The following COL4A3 variants were observed in gnomAD, a reference collection of about 807,000 sequenced individuals.
COL4A3 encodes the protein collagen type IV alpha 3 chain.
COL4A3 carries 135 observed loss-of-function variants against 217.4 expected under a neutral mutation model. The ratio of observed to expected loss-of-function variants is 0.62; its 90% CI spans 0.54 to 0.72. The LOEUF (loss-of-function observed/expected upper bound fraction) is 0.72. Ranked by LOEUF, COL4A3 falls within the 30% of genes least tolerant of loss-of-function variation. The probability of loss-of-function intolerance (pLI) is 0.00; values close to 1 mark genes in which losing one functional copy is unlikely to be tolerated. For missense variants in COL4A3, 1,868 were observed against 2,119.9 expected, an observed-to-expected ratio of 0.88 and a Z score of 2.33; for synonymous variants, 690 against 736.3, an observed-to-expected ratio of 0.94 and a Z score of 1.02.
chr2:227,273,094 C>T lies in COL4A3; in HGVS notation c.1904C>T (p.Ala635Val), dbSNP rs1225143206. 1.2e-6 allele frequency: 2 copies of T among 1,613,728 alleles called. No individual in the cohort carries two copies. The highest frequency in any genetic ancestry group is 1.7e-6 in the Non-Finnish European group (2 of 1,179,978). ...GLQGTQGVPG[A>V]PGPPGEAGPR... ...CAGGGCACGCAAGGAGTTCCTGGAG[C>T]CCCCGGACCACCCGGAGAAGCCGGT... The change falls in exon 26 of 52, where the codon GCC (alanine) becomes GTC (valine). Residue 635 changes from alanine (A) to valine (V), a missense_variant. Ala to Val is a moderately conservative substitution (Grantham distance 64). Transcript: ENST00000396578.
chr2:227,266,267 C>G, intron 21 of COL4A3, 150 bp from the exon 22 acceptor site: 1 of 690,058 alleles, frequency 1.4e-6, no homozygotes, highest in Non-Finnish European at 2.6e-6. Context: ...AGCTGGTCAC[C>G]ATGCTTTCTC....
At chr2:227,192,832 G>A (rs1318950558) in intron 1 of COL4A3, among the ~76,000 whole-genome samples, 2 of 152,044 alleles carry the variant, frequency 1.3e-5, no homozygotes, top group African/African-American at 4.8e-5. Flanking sequence ...TTTCTATAGT[G>A]AAGAAAATTT....
Position 227,311,893 on chromosome 2 carries a change from G to A in COL4A3, c.*23G>A, listed in dbSNP as rs1422177264. 7 of 1,613,148 alleles carry A rather than the reference G, an allele frequency of 4.3e-6. No homozygotes were observed. The highest frequency in any genetic ancestry group is 5.9e-6 in the Non-Finnish European group (7 of 1,179,578). On this transcript the variant is annotated 3_prime_UTR_variant, in exon 52 of 52. Coordinates refer to ENST00000396578, the MANE Select transcript of COL4A3 (RefSeq NM_000091.5). ...TGAAGCTAAAAAAGACAGCAGAACT[G>A]CTATTTTTCATCCTAAAGAACAAAG... is the stretch of plus-strand genomic sequence containing the variant.
intron 50 of COL4A3, among the ~76,000 whole-genome samples, chr2:227,310,275 T>C (rs574162394): frequency 1.3e-5 from 2 of 152,288 alleles, no homozygotes; most frequent in East Asian, 3.9e-4. Context: ...TTTTTCTTTT[T>C]CTTTGTCTCT....
intron 35 of COL4A3, among the ~76,000 whole-genome samples, 200 bp downstream of exon 35, chr2:227,289,448 T>C (rs1490128940): frequency 6.6e-6 from 1 of 152,180 alleles, no homozygotes; most frequent in Non-Finnish European, 1.5e-5. Context: ...AACCTACAAA[T>C]AGTTCCATTT....
chr2:227,244,718 G>A (rs1228961920), intron 4 of COL4A3: 17 of 694,690 alleles, frequency 2.4e-5, no homozygotes, highest in South Asian at 4.8e-5. Context: ...CTTAGGAATC[G>A]ATCCAAAAAA....
chr2:227,284,462 C>G lies in COL4A3; in HGVS notation c.2881+117C>G, dbSNP rs2072196839. The G allele has an allele frequency of 2.6e-6, 3 of 1,160,066 alleles. No individual in the cohort carries two copies. In the Admixed American group the frequency reaches 6.0e-5, roughly 23 times the overall value. The allele number at this position is 1,160,066 out of a possible 1,614,324, so 71.9% of individuals were successfully genotyped here. A position where few individuals can be genotyped will look rare whatever the true frequency, so the allele number is the denominator to read the frequency against. ...ACAGTGAGGGCCAGTGTTTAGTTAC[C>G]TGCCCATCACACAGCCGGTTGGTGG... On this transcript the variant is annotated intron_variant, in intron 34 of 51. Coordinates refer to ENST00000396578, the MANE Select transcript of COL4A3 (RefSeq NM_000091.5).
intron 1 of COL4A3, among the ~76,000 whole-genome samples, chr2:227,226,804 C>T (rs1661893418): frequency 1.3e-5 from 2 of 151,988 alleles, no homozygotes; most frequent in African/African-American, 4.8e-5. Flanking sequence ...TTTATATTGC[C>T]ATAGAAAAAA....
At chr2:227,280,311 G>A in intron 29 of COL4A3, 129 bp from the exon 30 acceptor site, 1 of 999,624 alleles carries the variant, frequency 1.0e-6, no homozygotes, top group African/African-American at 1.6e-5. Flanking sequence ...AGCAACTAGA[G>A]CTCAAAAAGG....
intron 3 of COL4A3, among the ~76,000 whole-genome samples, chr2:227,243,578 T>C (rs1304243941): frequency 6.6e-6 from 1 of 152,202 alleles, no homozygotes. Flanking sequence ...TCTCAGAGGA[T>C]TCTGTAACAA....
At chr2:227,263,263 C>A (rs530493134) in intron 20 of COL4A3, among the ~76,000 whole-genome samples, 2 of 152,322 alleles carry the variant, frequency 1.3e-5, no homozygotes, top group African/African-American at 2.4e-5. Flanking sequence ...TTGAGACTGT[C>A]CCCTCCTCAC....
intron 1 of COL4A3, among the ~76,000 whole-genome samples, chr2:227,167,791 C>T (rs1285472556): frequency 6.6e-6 from 1 of 151,528 alleles, no homozygotes; most frequent in African/African-American, 2.4e-5. Context: ...TCTCAGATTT[C>T]TACCTTTAGG....
At chr2:227,302,961 G>C in intron 43 of COL4A3, 77 bp from the exon 44 acceptor site, 3 of 890,648 alleles carry the variant, frequency 3.4e-6, no homozygotes, top group Non-Finnish European at 5.7e-6. Context: ...TACCCTATTT[G>C]CATTTTTAAA....
chr2:227,175,704 A>G (rs16823282), intron 1 of COL4A3, among the ~76,000 whole-genome samples: 9,687 of 152,214 alleles, frequency 0.064, 370 homozygotes, highest in Admixed American at 0.092. Context: ...ATTGCTGGAT[A>G]AATAGGGTGC....
rs1453937493 is a variant in COL4A3, at chr2:227,191,907, T to C, written c.87+27094T>C. On this transcript the variant is annotated intron_variant, in intron 1 of 51. Transcript: ENST00000396578. This position sits in a 1 kb window ranked among gnomAD's most constrained non-coding sequence, Gnocchi z 6.8. ...GGCAATTTCTTCAACAGCAGTGCCCTTATCAAAAACAGACACTTGAGAATT... is the reference window on the plus strand; with the variant it reads ...GGCAATTTCTTCAACAGCAGTGCCCCTATCAAAAACAGACACTTGAGAATT... 3.3e-5 allele frequency among the ~76,000 whole-genome samples: 5 copies of C among 152,172 alleles called. No homozygotes were observed. Among genetic ancestry groups the C allele is most frequent in the Non-Finnish European group, 7.3e-5 (5 of 68,038 alleles).
intron 1 of COL4A3, among the ~76,000 whole-genome samples, chr2:227,207,276 A>G (rs1160247923): frequency 6.6e-6 from 1 of 152,236 alleles, no homozygotes; most frequent in Non-Finnish European, 1.5e-5. Flanking sequence ...CAGAAATGGA[A>G]TACCTAGTCA....
intron 9 of COL4A3, among the ~76,000 whole-genome samples, chr2:227,249,230 A>ATATATATATATATATATATATTT: frequency 6.8e-5 from 1 of 14,688 alleles, no homozygotes; most frequent in Non-Finnish European, 1.2e-4. Context: ...ATATATATAT[A>ATATATATATATATATATATATTT]TTTTTTTTTT....
intron 1 of COL4A3, among the ~76,000 whole-genome samples, chr2:227,217,282 T>A (rs1422242157): frequency 6.6e-6 from 1 of 152,254 alleles, no homozygotes; most frequent in East Asian, 1.9e-4. Context: ...TCCCACAACA[T>A]GTGGGAATTA....
intron 1 of COL4A3, among the ~76,000 whole-genome samples, chr2:227,235,544 CA>C (rs1393639524): frequency 6.6e-6 from 1 of 152,162 alleles, no homozygotes; most frequent in Non-Finnish European, 1.5e-5. Context: ...ATGCACCCAT[CA>C]CCCAAACAGT....
Sources: allele counts gnomAD v4.1 joint callset (sites outside exome capture counted in the v4.1 genomes callset), GRCh38; gene constraint gnomAD v4.1.1; non-coding constraint Gnocchi (gnomAD v3.1); transcripts MANE v1.5; gene names NCBI Gene and HGNC (gene_info 2026-07-23, HGNC 2026-07-21).